CEP85L: variants seen among roughly 807,000 people sequenced by gnomAD.
CEP85L encodes the protein centrosomal protein 85L, also known as centrosomal protein of 85 kDa-like.
A neutral mutation model predicts 100.3 loss-of-function variants in CEP85L; 60 were observed. The observed-to-expected ratio is 0.60, with a 90% CI of 0.49 to 0.74. The LOEUF (loss-of-function observed/expected upper bound fraction) is 0.74. Among genes scored for constraint, CEP85L ranks in the 30% least tolerant of loss-of-function variants. The probability of loss-of-function intolerance (pLI) is 0.00; values close to 1 mark genes in which losing one functional copy is unlikely to be tolerated. For missense variants in CEP85L, 973 were observed against 936.2 expected (o/e 1.04, Z -0.51); for synonymous variants, 319 against 322.7 (o/e 0.99, Z 0.12).
At position 118,666,765 on chromosome 6, in the gene CEP85L, A is replaced by T. The variant is rs575652842; in HGVS notation, c.-27-13957T>A. Reference sequence around the variant, plus strand: ...TTATTATCACATTTGGGATTAAGTTAAAAAAAAAAAAGGAAACAGGGGCAG... The same window carrying T: ...TTATTATCACATTTGGGATTAAGTTTAAAAAAAAAAAGGAAACAGGGGCAG... On this transcript the variant is annotated intron_variant, in intron 1 of 13. Coordinates refer to the CEP85L transcript ENST00000368488. 1.5e-4 allele frequency among the ~76,000 whole-genome samples: 15 copies of T among 102,770 alleles called. No homozygotes were observed. In the South Asian group the frequency reaches 1.8e-3, roughly 12 times the overall value. The allele number at this position is 102,770 out of a possible 152,430, so 67.4% of individuals were successfully genotyped here.
intron 1 of CEP85L, among the ~76,000 whole-genome samples, chr6:118,691,787 C>T (rs58406342): frequency 0.046 from 6,947 of 151,766 alleles, 348 homozygotes; most frequent in African/African-American, 0.11. Flanking sequence ...AACCTCTGTG[C>T]TCAGCCACAC....
intron 2 of CEP85L, among the ~76,000 whole-genome samples, chr6:118,614,841 T>A (rs529596031): frequency 7.0e-6 from 1 of 143,682 alleles, no homozygotes; most frequent in Admixed American, 6.9e-5. Flanking sequence ...AACTCCATCA[T>A]TCATTCATAG....
intron 4 of CEP85L, among the ~76,000 whole-genome samples, chr6:118,521,811 G>A (rs1045416264): frequency 1.8e-4 from 27 of 152,032 alleles, no homozygotes; most frequent in Admixed American, 1.4e-3. Flanking sequence ...TACCACAGAC[G>A]CATAAATAAG....
At position 118,664,020 on chromosome 6, in the gene CEP85L, C is replaced by T. The variant is rs757282702; in HGVS notation, c.-27-11212G>A. ...AAGTGATCCTCCTGCCTCAGCCTCC[C>T]GAATAGCTGAGATTACAGGAACGCA... On this transcript the variant is annotated intron_variant, in intron 1 of 13. Coordinates refer to the CEP85L transcript ENST00000368488. Among the ~76,000 whole-genome samples, 47 of 151,410 alleles carry T rather than the reference C, an allele frequency of 3.1e-4. 1 individual carries two copies. The highest frequency in any genetic ancestry group is 7.9e-4 in the Admixed American group (12 of 15,176).
intron 2 of CEP85L, among the ~76,000 whole-genome samples, chr6:118,598,859 AAACAAG>A (rs890786856): frequency 3.9e-5 from 6 of 152,190 alleles, no homozygotes; most frequent in African/African-American, 1.4e-4. Context: ...GGGACTGAGC[AAACAAG>A]TAAATGGATG....
rs1020450602 is a variant in CEP85L at position 118,651,581 on chromosome 6, G to A, written c.-312C>T. ...AAAGGCTCCAGGCGAAGTTGCAGCT[G>A]CGGGTTCTCTCCGCCCCCTCCGCCG... On this transcript the variant is annotated 5_prime_UTR_variant, in exon 1 of 13. Transcript: ENST00000368491. 5.3e-5 allele frequency: 61 copies of A among 1,145,350 alleles called. No individual in the cohort carries two copies. The highest frequency in any genetic ancestry group is 8.8e-5 in the East Asian group (2 of 22,710). 70.9% of individuals were successfully genotyped at this position (1,145,350 alleles called of 1,614,324 possible). A position where few individuals can be genotyped will look rare whatever the true frequency, so the allele number is the denominator to read the frequency against.
At position 118,533,569 on chromosome 6, in the gene CEP85L, G is replaced by A. The variant is rs149444104; in HGVS notation, c.1021-9649C>T. On this transcript the variant is annotated intron_variant, in intron 3 of 12. Coordinates refer to ENST00000368491, the MANE Select transcript of CEP85L (RefSeq NM_001042475.3). ...ACCAATCCTCCACGAACTCAGAGGC[G>A]GAAAAAAAATGAATTATTTCCCAAC... Among the ~76,000 whole-genome samples the A allele has an allele frequency of 1.4e-4, 22 of 151,772 alleles. No homozygotes were observed. In the East Asian group the frequency reaches 1.6e-3, roughly 11 times the overall value.
At chr6:118,647,855 G>A (rs1775301933) in intron 1 of CEP85L, among the ~76,000 whole-genome samples, 1 of 152,156 alleles carries the variant, frequency 6.6e-6, no homozygotes, top group Non-Finnish European at 1.5e-5. Flanking sequence ...TCAACCAAAT[G>A]CATAAAAAGA....
chr6:118,521,166 C>G (rs1222281260), intron 4 of CEP85L, among the ~76,000 whole-genome samples: 1 of 152,198 alleles, frequency 6.6e-6, no homozygotes. Context: ...ACTTTCAATT[C>G]CATCCAATTG....
At chr6:118,535,096 CA>C in intron 3 of CEP85L, among the ~76,000 whole-genome samples, 1 of 152,180 alleles carries the variant, frequency 6.6e-6, no homozygotes, top group South Asian at 2.1e-4. Flanking sequence ...GAACCATAGG[CA>C]AATGTTTACT....
chr6:118,652,805 GT>G, upstream of CEP85L: 1 of 1,247,290 alleles, frequency 8.0e-7, no homozygotes, highest in Non-Finnish European at 1.1e-6. Flanking sequence ...AGGGTCAGCT[GT>G]TTCTGATGAT....
intron 1 of CEP85L, among the ~76,000 whole-genome samples, chr6:118,670,605 A>G (rs1277640570): frequency 1.3e-5 from 2 of 151,680 alleles, no homozygotes; most frequent in African/African-American, 4.9e-5. Context: ...TTGCTTCTGT[A>G]ATCTCCTGGC....
At chr6:118,475,514 T>C (rs1773301175) in intron 10 of CEP85L, among the ~76,000 whole-genome samples, 1 of 151,632 alleles carries the variant, frequency 6.6e-6, no homozygotes, top group Non-Finnish European at 1.5e-5. Flanking sequence ...CCACCACGCC[T>C]GGCTAATTTT....
At chr6:118,525,482 T>C (rs1197690655) in intron 3 of CEP85L, among the ~76,000 whole-genome samples, 1 of 152,140 alleles carries the variant, frequency 6.6e-6, no homozygotes, top group East Asian at 1.9e-4. Context: ...CAATGTTTGG[T>C]GTCCCTAAAG....
intron 2 of CEP85L, among the ~76,000 whole-genome samples, chr6:118,629,762 G>A (rs1774023270): frequency 6.6e-6 from 1 of 152,170 alleles, no homozygotes; most frequent in Admixed American, 6.5e-5. Context: ...ACAGACTACT[G>A]GACCCTCCTT....
At chr6:118,671,160 T>G (rs9489493) in intron 1 of CEP85L, among the ~76,000 whole-genome samples, 18 of 152,102 alleles carry the variant, frequency 1.2e-4, no homozygotes, top group African/African-American at 4.3e-4. Flanking sequence ...TTATGGACAG[T>G]GGATCTCTAT....
intron 6 of CEP85L, among the ~76,000 whole-genome samples, chr6:118,487,976 T>C (rs1223304113): frequency 1.3e-5 from 2 of 151,988 alleles, no homozygotes. Flanking sequence ...GGACCTAGAA[T>C]ACTCCTGAAG....
At chr6:118,515,412 C>T (rs1352410421) in intron 4 of CEP85L, among the ~76,000 whole-genome samples, 1 of 152,140 alleles carries the variant, frequency 6.6e-6, no homozygotes, top group Non-Finnish European at 1.5e-5. Context: ...TAGAATACTC[C>T]CCACAAAAGA....
At position 118,571,121 on chromosome 6, in the gene CEP85L, T is replaced by C. The variant is rs552317000; in HGVS notation, c.233-4805A>G. ...CATTATTATACCTTAGAAATGAGTC[T>C]AGAAAATGTTAACTTTAACAATTTC... On this transcript the variant is annotated intron_variant, in intron 2 of 12. Transcript: ENST00000368491. Among the ~76,000 whole-genome samples, 3 of 152,334 alleles carry C rather than the reference T, an allele frequency of 2.0e-5. No individual in the cohort carries two copies. In the South Asian group the frequency reaches 6.2e-4, roughly 32 times the overall value.
Sources: allele counts gnomAD v4.1 joint callset (sites outside exome capture counted in the v4.1 genomes callset), GRCh38; gene constraint gnomAD v4.1.1; transcripts MANE v1.5; gene names NCBI Gene and HGNC (gene_info 2026-07-23, HGNC 2026-07-21).